MARCHF1: variants seen among roughly 807,000 people sequenced by gnomAD.
MARCHF1 encodes the protein E3 ubiquitin-protein ligase MARCHF1.
In MARCHF1, 40 loss-of-function variants were observed where a neutral mutation model predicts 54.2. The observed-to-expected ratio is 0.74, with a 90% CI of 0.57 to 0.96. The LOEUF is 0.96. Among genes scored for constraint, MARCHF1 ranks in the 40% least tolerant of loss-of-function variants. The pLI, the probability that MARCHF1 is intolerant of heterozygous loss-of-function variation, is 0.00. For synonymous variants in MARCHF1, 236 were observed against 236.3 expected (o/e 1.00, Z 0.01); for missense variants, 586 against 656.5 (o/e 0.89, Z 1.17).
intron 1 of MARCHF1, among the ~76,000 whole-genome samples, chr4:164,293,430 C>A (rs1392555581): frequency 6.6e-6 from 1 of 152,194 alleles, no homozygotes; most frequent in East Asian, 1.9e-4. Context: ...ACAACACTTT[C>A]TTTTTCTGTC....
intron 1 of MARCHF1, among the ~76,000 whole-genome samples, chr4:164,177,986 T>C (rs966678296): frequency 7.2e-5 from 11 of 152,168 alleles, no homozygotes; most frequent in Non-Finnish European, 1.5e-4. Context: ...TGACAATCCG[T>C]CCTAGACAGA....
In MARCHF1 at chr4:164,280,708, C is replaced by G. The variant is rs546252767; in HGVS notation, c.-323+103162G>C. On this transcript the variant is annotated intron_variant, in intron 1 of 9. Coordinates refer to ENST00000514618, the MANE Select transcript of MARCHF1 (RefSeq NM_001394959.1). Reference sequence around the variant, plus strand: ...TGAGGCACTTTAAAAATGGAAACTTCCATTTTCCACTTCAAATTTTGGGAA... The same window carrying G: ...TGAGGCACTTTAAAAATGGAAACTTGCATTTTCCACTTCAAATTTTGGGAA... Among the ~76,000 whole-genome samples the G allele has an allele frequency of 1.2e-3, 188 of 152,178 alleles. 1 individual carries two copies. Among genetic ancestry groups the G allele is most frequent in the African/African-American group, 4.3e-3 (180 of 41,548 alleles).
chr4:163,960,076 T>C (rs1194087106), intron 3 of MARCHF1, among the ~76,000 whole-genome samples: 2 of 151,916 alleles, frequency 1.3e-5, no homozygotes, highest in African/African-American at 2.4e-5. Context: ...CACTGATCGT[T>C]AGAGAAATGC....
At chr4:163,929,982 A>C (rs28415632) in intron 3 of MARCHF1, among the ~76,000 whole-genome samples, 3 of 99,006 alleles carry the variant, frequency 3.0e-5, no homozygotes, top group African/African-American at 7.2e-5. Flanking sequence ...AATATATATA[A>C]TATATATATA....
intron 1 of MARCHF1, among the ~76,000 whole-genome samples, chr4:164,293,956 C>A (rs1469865771): frequency 1.3e-5 from 2 of 152,180 alleles, no homozygotes; most frequent in Non-Finnish European, 2.9e-5. Context: ...CAGACCCACC[C>A]TTAATCTGGG....
At chr4:163,699,638 T>C (rs1744743757) in intron 5 of MARCHF1, among the ~76,000 whole-genome samples, 1 of 152,152 alleles carries the variant, frequency 6.6e-6, no homozygotes, top group Non-Finnish European at 1.5e-5. Context: ...TAATATAAAA[T>C]TACTAATATA....
chr4:163,732,500 A>C (rs750126560), intron 4 of MARCHF1, among the ~76,000 whole-genome samples: 11 of 152,184 alleles, frequency 7.2e-5, no homozygotes, highest in African/African-American at 2.4e-4. Context: ...TTATAAATAC[A>C]TTGATACAAG....
chr4:164,202,569 A>C (rs760592443), intron 1 of MARCHF1, among the ~76,000 whole-genome samples: 16 of 152,192 alleles, frequency 1.1e-4, no homozygotes, highest in Non-Finnish European at 2.1e-4. Context: ...TCCCCATTAT[A>C]TATGTTAGAA....
chr4:163,879,525 A>G (rs978493305), intron 3 of MARCHF1, among the ~76,000 whole-genome samples: 15 of 152,232 alleles, frequency 9.9e-5, no homozygotes, highest in Non-Finnish European at 1.8e-4. Flanking sequence ...GGAGAAAGGC[A>G]AATTCCAAAG....
intron 3 of MARCHF1, among the ~76,000 whole-genome samples, chr4:163,973,276 C>A (rs1013667944): frequency 2.6e-5 from 4 of 152,220 alleles, no homozygotes; most frequent in Non-Finnish European, 4.4e-5. Context: ...TTATTTACAT[C>A]AGCCTCAAAT....
chr4:163,583,642 T>TG (rs1227131943), intron 8 of MARCHF1: 1 of 104,332 alleles, frequency 9.6e-6, no homozygotes, highest in Non-Finnish European at 1.9e-5. Flanking sequence ...TGAATTTTTG[T>TG]TTTTTGTGTG....
chr4:163,590,224 T>A (rs1287332874), intron 7 of MARCHF1, among the ~76,000 whole-genome samples: 1 of 151,736 alleles, frequency 6.6e-6, no homozygotes, highest in Non-Finnish European at 1.5e-5. Flanking sequence ...TCATATTTTT[T>A]TCTTCATAAG....
At chr4:163,681,993 A>G (rs991124952) in intron 5 of MARCHF1, among the ~76,000 whole-genome samples, 3 of 152,186 alleles carry the variant, frequency 2.0e-5, no homozygotes, top group African/African-American at 7.2e-5. Context: ...AAGATGTGGG[A>G]AACTTTAGAA....
intron 4 of MARCHF1, among the ~76,000 whole-genome samples, chr4:163,746,460 C>T (rs2110757268): frequency 6.6e-6 from 1 of 152,256 alleles, no homozygotes; most frequent in South Asian, 2.1e-4. Flanking sequence ...ATAAAGCTGA[C>T]ACAAACATTT....
At chr4:164,302,008 G>A (rs1327550080) in intron 1 of MARCHF1, among the ~76,000 whole-genome samples, 2 of 152,214 alleles carry the variant, frequency 1.3e-5, no homozygotes, top group African/African-American at 4.8e-5. Context: ...TCCAGGAGAG[G>A]AGTATGGACG....
At chr4:163,875,769 G>A (rs1750274562) in intron 3 of MARCHF1, among the ~76,000 whole-genome samples, 2 of 152,136 alleles carry the variant, frequency 1.3e-5, no homozygotes, top group South Asian at 4.1e-4. Flanking sequence ...ACGAGGTCAG[G>A]TTAATTCCAT....
chr4:164,345,332 C>T (rs1369871610), intron 1 of MARCHF1, among the ~76,000 whole-genome samples: 1 of 151,988 alleles, frequency 6.6e-6, no homozygotes, highest in East Asian at 1.9e-4. Flanking sequence ...TGTGGAACAT[C>T]AAGGCCAAAG....
At chr4:164,083,527 C>T (rs11727174) in intron 2 of MARCHF1, among the ~76,000 whole-genome samples, 62,786 of 151,712 alleles carry the variant, frequency 0.41, 13,929 homozygotes, top group Non-Finnish European at 0.49. Flanking sequence ...AATAGCCAGA[C>T]AAAGAAAGCA....
chr4:163,838,736 A>G (rs540046070), intron 4 of MARCHF1, among the ~76,000 whole-genome samples: 143 of 152,232 alleles, frequency 9.4e-4, no homozygotes, highest in African/African-American at 3.3e-3. Context: ...ACTTCACACC[A>G]TGCACAACAA....
Sources: allele counts gnomAD v4.1 joint callset (sites outside exome capture counted in the v4.1 genomes callset), GRCh38; gene constraint gnomAD v4.1.1; transcripts MANE v1.5; gene names NCBI Gene and HGNC (gene_info 2026-07-23, HGNC 2026-07-21).